Variants in ADAMTSL1 observed in about 807,000 individuals in gnomAD.
The protein encoded by ADAMTSL1 is ADAMTS like 1.
In ADAMTSL1, 126 loss-of-function variants were observed where a neutral mutation model predicts 201.8. That is an observed-to-expected ratio of 0.62 (90% confidence interval 0.54 to 0.72). ADAMTSL1 has a LOEUF of 0.72. Ranked by LOEUF, ADAMTSL1 falls within the 30% of genes least tolerant of loss-of-function variation. The pLI is 0.00. For missense variants in ADAMTSL1, 2,679 were observed against 2,277.8 expected (o/e 1.18, Z -3.59); for synonymous variants, 1,121 against 903.4 (o/e 1.24, Z -4.32).
chr9:18,727,217 C>T (rs1245155166), intron 15 of ADAMTSL1, among the ~76,000 whole-genome samples: 1 of 152,228 alleles, frequency 6.6e-6, no homozygotes, highest in Non-Finnish European at 1.5e-5. Context: ...GCCTTGCAGG[C>T]TCTTCCTCTC....
At chr9:18,168,967 G>C (rs956658632) in intron 2 of ADAMTSL1, among the ~76,000 whole-genome samples, 3 of 150,916 alleles carry the variant, frequency 2.0e-5, no homozygotes, top group Non-Finnish European at 3.0e-5. Context: ...ACTTTTTGAT[G>C]GGGTTGTTTG....
At chr9:18,364,943 G>A (rs925497746) in intron 2 of ADAMTSL1, among the ~76,000 whole-genome samples, 2 of 152,034 alleles carry the variant, frequency 1.3e-5, no homozygotes, top group Non-Finnish European at 2.9e-5. Flanking sequence ...CCGCCCCCAT[G>A]ATCCAATAAC....
At chr9:18,356,582 G>A (rs1033710666) in intron 2 of ADAMTSL1, among the ~76,000 whole-genome samples, 2 of 129,028 alleles carry the variant, frequency 1.6e-5, no homozygotes, top group African/African-American at 5.9e-5. Context: ...AAAATTTTAT[G>A]CAGCTACTCA....
At chr9:18,019,601 G>A (rs1820398483) in intron 1 of ADAMTSL1, among the ~76,000 whole-genome samples, 1 of 152,034 alleles carries the variant, frequency 6.6e-6, no homozygotes, top group Non-Finnish European at 1.5e-5. Flanking sequence ...AGGAGCCCAA[G>A]GTAGAGAAAG....
chr9:18,466,587 A>G (rs1821014255), intron 2 of ADAMTSL1, among the ~76,000 whole-genome samples: 2 of 152,212 alleles, frequency 1.3e-5, no homozygotes. Flanking sequence ...TGTTCAAAAC[A>G]TAATGTTGTA....
In ADAMTSL1 at chr9:18,809,314, C is replaced by T. The variant is rs576252040; in HGVS notation, c.3806-7795C>T. On this transcript the variant is annotated intron_variant, in intron 20 of 28. Transcript: ENST00000380548. The stretch of plus-strand genomic sequence containing the variant: ...GAGACCTGAACGACCGGAAGAGAGC[C>T]GTGCAGAAGTCTGTAGGTGGAAGAT... Among the ~76,000 whole-genome samples, 5 of 152,230 alleles carry T rather than the reference C, an allele frequency of 3.3e-5. No homozygotes were observed. The South Asian group carries it at 6.2e-4, about 19-fold the overall frequency.
chr9:17,926,374 C>T (rs1826530531), intron 1 of ADAMTSL1, among the ~76,000 whole-genome samples: 1 of 152,140 alleles, frequency 6.6e-6, no homozygotes, highest in Admixed American at 6.5e-5. Flanking sequence ...TGGTTTAACA[C>T]CACCAAGGTT....
chr9:17,928,848 C>A (rs527406679), intron 1 of ADAMTSL1, among the ~76,000 whole-genome samples: 1 of 152,278 alleles, frequency 6.6e-6, no homozygotes, highest in South Asian at 2.1e-4. Flanking sequence ...ACTAATTGCA[C>A]ACATGGCATG....
At chr9:18,289,139 A>G (rs796531165) in intron 2 of ADAMTSL1, among the ~76,000 whole-genome samples, 24 of 88,366 alleles carry the variant, frequency 2.7e-4, no homozygotes, top group Admixed American at 9.2e-4. Context: ...ATGTCTGTCT[A>G]TCTATCTATC....
At chr9:18,368,971 T>C (rs895448027) in intron 2 of ADAMTSL1, among the ~76,000 whole-genome samples, 1 of 152,234 alleles carries the variant, frequency 6.6e-6, no homozygotes, top group Admixed American at 6.5e-5. Context: ...TAACTTTGTT[T>C]ATACCCAGAA....
chr9:18,181,156 A>C (rs933379310), intron 2 of ADAMTSL1, among the ~76,000 whole-genome samples: 5 of 152,224 alleles, frequency 3.3e-5, no homozygotes, highest in South Asian at 2.1e-4. Flanking sequence ...TAAAGACTTA[A>C]ATGTTAGACC....
intron 5 of ADAMTSL1, among the ~76,000 whole-genome samples, chr9:18,628,153 T>C (rs1487758065): frequency 6.6e-6 from 1 of 151,722 alleles, no homozygotes; most frequent in East Asian, 1.9e-4. Context: ...TTTAATGTCA[T>C]GTCTAAGAAC....
chr9:18,328,419 C>A (rs1206684311), intron 2 of ADAMTSL1, among the ~76,000 whole-genome samples: 1 of 152,206 alleles, frequency 6.6e-6, no homozygotes, highest in African/African-American at 2.4e-5. Context: ...TTATTAAGCT[C>A]TTACTGCATA....
At chr9:18,574,482 T>C (rs1471773005) in intron 4 of ADAMTSL1, 1 of 607,716 alleles carries the variant, frequency 1.6e-6, no homozygotes, top group Non-Finnish European at 2.9e-6. Flanking sequence ...TTTCTTTCCT[T>C]GAGTGTCACT....
At position 18,271,628 on chromosome 9, in the gene ADAMTSL1, A is replaced by G. The variant is rs1453764883; in HGVS notation, c.207+107647A>G. On this transcript the variant is annotated intron_variant, in intron 2 of 29. Transcript: ENST00000680146. ...CTTTGGTATTGTGAATAGTGCCGCAATAAACATACATGTGCATGTGTGTTT... is the reference window on the plus strand; with the variant it reads ...CTTTGGTATTGTGAATAGTGCCGCAGTAAACATACATGTGCATGTGTGTTT... Among the ~76,000 whole-genome samples the G allele has an allele frequency of 6.6e-5, 10 of 152,332 alleles. No homozygotes were observed. The South Asian group carries it at 1.7e-3, about 25-fold the overall frequency.
chr9:18,520,151 G>C (rs1454665737), intron 2 of ADAMTSL1, among the ~76,000 whole-genome samples: 4 of 152,074 alleles, frequency 2.6e-5, no homozygotes, highest in Non-Finnish European at 5.9e-5. Context: ...TTCTCATGTG[G>C]GTCTAAATTT....
In ADAMTSL1 at chr9:18,624,250, T is replaced by C. The variant is rs373330841; in HGVS notation, c.601+1881T>C. Among the ~76,000 whole-genome samples the C allele has an allele frequency of 2.6e-5, 4 of 152,338 alleles. No individual in the cohort carries two copies. The East Asian group carries it at 5.8e-4, about 22-fold the overall frequency. ...GAATGAGGTAACTTAGACATTGATATAACACATTCAGGTGAGATTTTTCTT... is the reference window on the plus strand; with the variant it reads ...GAATGAGGTAACTTAGACATTGATACAACACATTCAGGTGAGATTTTTCTT... On this transcript the variant is annotated intron_variant, in intron 5 of 28. Coordinates refer to ENST00000380548, the MANE Select transcript of ADAMTSL1 (RefSeq NM_001040272.6).
At chr9:18,490,351 A>G (rs1337791990) in intron 1 of ADAMTSL1, among the ~76,000 whole-genome samples, 1 of 152,018 alleles carries the variant, frequency 6.6e-6, no homozygotes, top group Middle Eastern at 3.2e-3. Context: ...GGGTAGGTGA[A>G]GGGGATGAGG....
rs920975953 is a variant in ADAMTSL1, at chr9:18,524,068, C to A, written c.192-9179C>A. Among the ~76,000 whole-genome samples, 3 of 150,208 alleles carry A rather than the reference C, an allele frequency of 2.0e-5. No homozygotes were observed. The Admixed American group carries it at 2.0e-4, about 10-fold the overall frequency. ...TTTTCACGATATTGATTCTTCCTAC[C>A]CATGAGCATGGAATGTTCTTCCATT... On this transcript the variant is annotated intron_variant, in intron 2 of 28. Transcript: ENST00000380548.
Sources: allele counts gnomAD v4.1 joint callset (sites outside exome capture counted in the v4.1 genomes callset), GRCh38; gene constraint gnomAD v4.1.1; transcripts MANE v1.5; gene names NCBI Gene and HGNC (gene_info 2026-07-23, HGNC 2026-07-21).